Variants in ZNF787 observed in about 807,000 individuals in gnomAD.
ZNF787 encodes the protein TTF-I-interacting peptide 20.
In ZNF787, 7 loss-of-function variants were observed where a neutral mutation model predicts 16.9. The observed-to-expected ratio is 0.42, with a 90% CI of 0.24 to 0.78. The LOEUF (loss-of-function observed/expected upper bound fraction) is 0.78, where lower values mean the gene tolerates loss of function less well. Ranked by LOEUF, ZNF787 falls within the 30% of genes least tolerant of loss-of-function variation. ZNF787 has a pLI of 0.30. For synonymous variants in ZNF787, 345 were observed against 270.9 expected, an observed-to-expected ratio of 1.27 and a Z score of -2.69; for missense variants, 551 against 589.3, an observed-to-expected ratio of 0.94 and a Z score of 0.67.
intron 1 of ZNF787, among the ~76,000 whole-genome samples, chr19:56,111,166 TGA>T (rs2029968393): frequency 6.6e-6 from 1 of 152,040 alleles, no homozygotes; most frequent in Non-Finnish European, 1.5e-5. Context: ...AATAAAGGAA[TGA>T]GGGTGCCGGC....
chr19:56,107,489 G>A (rs1301107948), intron 1 of ZNF787, among the ~76,000 whole-genome samples: 1 of 134,292 alleles, frequency 7.4e-6, no homozygotes, highest in Non-Finnish European at 1.5e-5. Flanking sequence ...CGGGGTCACC[G>A]GGAGACACGG....
chr19:56,087,872 G>A lies in ZNF787; in HGVS notation c.*151C>T, dbSNP rs994255821. 3 of 1,210,222 alleles carry A rather than the reference G, an allele frequency of 2.5e-6. No individual in the cohort carries two copies. The highest frequency in any genetic ancestry group is 3.2e-5 in the African/African-American group (2 of 62,304). The allele number at this position is 1,210,222 out of a possible 1,614,324, so 75.0% of individuals were successfully genotyped here. ...TAATACGCCCCAGTGCCCCCCCACG[G>A]ACGGCGCAGGGACAGAGGAGGGCGG... is the stretch of plus-strand genomic sequence containing the variant. On this transcript the variant is annotated 3_prime_UTR_variant, in exon 3 of 3. Transcript: ENST00000610935.
chr19:56,107,129 C>A (rs534082059), intron 1 of ZNF787, among the ~76,000 whole-genome samples: 3 of 152,132 alleles, frequency 2.0e-5, no homozygotes, highest in Non-Finnish European at 4.4e-5. Flanking sequence ...AAACGGCTGA[C>A]GAACTGTGAG....
At chr19:56,093,463 C>T (rs776907865) in intron 2 of ZNF787, among the ~76,000 whole-genome samples, 9 of 152,106 alleles carry the variant, frequency 5.9e-5, no homozygotes, top group Non-Finnish European at 1.2e-4. Flanking sequence ...CTGCACGCAC[C>T]GTCCTCCTTC....
At position 56,087,984 on chromosome 19, in the gene ZNF787, C is replaced by G; in HGVS notation, c.*39G>C. 1 of 1,298,086 alleles carries G rather than the reference C, an allele frequency of 7.7e-7. No individual in the cohort carries two copies. The highest frequency in any genetic ancestry group is 1.6e-5 in the African/African-American group (1 of 61,856). The allele number at this position is 1,298,086 out of a possible 1,614,324, so 80.4% of individuals were successfully genotyped here. On this transcript the variant is annotated 3_prime_UTR_variant, in exon 3 of 3. Coordinates refer to ENST00000610935, the MANE Select transcript of ZNF787 (RefSeq NM_001002836.4). ...TTGCACGTCGTCGCTCCCGCCAAGCCCGAGGGGCCCTGCCCGCCCCCCCCC... is the reference window on the plus strand; with the variant it reads ...TTGCACGTCGTCGCTCCCGCCAAGCGCGAGGGGCCCTGCCCGCCCCCCCCC...
intron 2 of ZNF787, among the ~76,000 whole-genome samples, chr19:56,093,539 C>T (rs1348089422): frequency 6.6e-6 from 1 of 152,122 alleles, no homozygotes; most frequent in Admixed American, 6.5e-5. Context: ...GAGACATGTT[C>T]GGGCTCAGGA....
chr19:56,099,994 G>A (rs1032728756), intron 2 of ZNF787, among the ~76,000 whole-genome samples: 4 of 152,158 alleles, frequency 2.6e-5, no homozygotes, highest in South Asian at 2.1e-4. Context: ...GACAGAGGTC[G>A]CAGGAAGGCC....
At chr19:56,095,160 T>G (rs1398401093) in intron 2 of ZNF787, among the ~76,000 whole-genome samples, 1 of 152,136 alleles carries the variant, frequency 6.6e-6, no homozygotes, top group African/African-American at 2.4e-5. Flanking sequence ...ACCCCTCATA[T>G]GTGCAGTTCC....
intron 2 of ZNF787, 143 bp downstream of exon 2, chr19:56,102,996 G>A (rs781203982): frequency 2.1e-5 from 17 of 820,720 alleles, no homozygotes; most frequent in South Asian, 2.8e-5. Flanking sequence ...GGCCCAGGGC[G>A]GGAGGGGAGG....
chr19:56,088,335 C>T lies in ZNF787; in HGVS notation c.837G>A (p.Pro279=), dbSNP rs541210895. The T allele has an allele frequency of 1.9e-5, 24 of 1,231,160 alleles. No individual in the cohort carries two copies. Among genetic ancestry groups the T allele is most frequent in the Admixed American group, 4.6e-5 (1 of 21,930 alleles). The allele number at this position is 1,231,160 out of a possible 1,614,324, so 76.3% of individuals were successfully genotyped here. The stretch of plus-strand genomic sequence containing the variant: ...CCTTCCCGCACTCCAGACACACGTA[C>T]GGCTTGGGGGCCGGGGCGCGCCGCG... ...PRSRRAPAPK[P]YVCLECGKGF... Residue 279 remains proline, a synonymous_variant, in exon 3 of 3, where the codon CCG becomes CCA. Coordinates refer to ENST00000610935, the MANE Select transcript of ZNF787 (RefSeq NM_001002836.4). The surrounding 1 kb of genome is among the most constrained non-coding windows in gnomAD (Gnocchi z 8.6).
intron 2 of ZNF787, among the ~76,000 whole-genome samples, chr19:56,092,919 G>T (rs1232490859): frequency 6.6e-6 from 1 of 151,376 alleles, no homozygotes. Context: ...GGGGGTGGCG[G>T]AAGTGGGATC....
In ZNF787 at chr19:56,121,232, TGGCAGCGGC is replaced by T. The variant is rs1222988834; in HGVS notation, c.-80_-72del. On this transcript the variant is annotated 5_prime_UTR_variant, in exon 1 of 3. Transcript: ENST00000610935. ...CTCCTCTCTCCTGCCTCGCGGATGG[TGGCAGCGGC>T]GGCAGCGGCGACTCAGACCCTGGGG... 3 of 146,892 alleles carry T rather than the reference TGGCAGCGGC, an allele frequency of 2.0e-5. No individual in the cohort carries two copies. The highest frequency in any genetic ancestry group is 6.8e-5 in the Admixed American group (1 of 14,806). The allele number at this position is 146,892 out of a possible 1,614,324, so 9.1% of individuals were successfully genotyped here. A position where few individuals can be genotyped will look rare whatever the true frequency, so the allele number is the denominator to read the frequency against.
chr19:56,099,934 G>A (rs1055262170), intron 2 of ZNF787, among the ~76,000 whole-genome samples: 5 of 152,110 alleles, frequency 3.3e-5, no homozygotes, highest in Non-Finnish European at 5.9e-5. Flanking sequence ...TGAGCACGGC[G>A]CCGGGATCTC....
At chr19:56,094,593 T>A (rs551099080) in intron 2 of ZNF787, among the ~76,000 whole-genome samples, 1 of 152,210 alleles carries the variant, frequency 6.6e-6, no homozygotes, top group South Asian at 2.1e-4. Context: ...TTTTTGTTCT[T>A]ATTTGCAAAT....
chr19:56,103,177 T>A lies in ZNF787; in HGVS notation c.41A>T (p.Asp14Val). The A allele has an allele frequency of 6.3e-7, 1 of 1,587,584 alleles. No homozygotes were observed. The highest frequency in any genetic ancestry group is 8.6e-7 in the Non-Finnish European group (1 of 1,166,022). Reference sequence around the variant, plus strand: ...ACTGGCCATCTGCTGGTCCTCAGAATCCAGCGGCCCCGGAGACCAGGCTTC... The same window carrying A: ...ACTGGCCATCTGCTGGTCCTCAGAAACCAGCGGCCCCGGAGACCAGGCTTC... ...REEAWSPGPL[D>V]SEDQQMASHE... The change falls in exon 2 of 3, where the codon GAT becomes GTT. Residue 14 changes from aspartate (D) to valine (V), a missense_variant. By Grantham distance (152) the Asp-to-Val change is radical. Transcript: ENST00000610935.
intron 2 of ZNF787, 25 bp downstream of exon 2, chr19:56,103,114 G>A (rs770298628): frequency 5.0e-5 from 80 of 1,611,618 alleles, no homozygotes; most frequent in Non-Finnish European, 6.4e-5. Flanking sequence ...AGCGGGGTCG[G>A]CTGGGAAGGC....
At chr19:56,097,483 C>T (rs1404673136) in intron 2 of ZNF787, among the ~76,000 whole-genome samples, 3 of 152,248 alleles carry the variant, frequency 2.0e-5, no homozygotes, top group Non-Finnish European at 1.5e-5. Flanking sequence ...CCACGCCTCG[C>T]GTCTCCACTG....
At chr19:56,094,500 ATCC>A (rs1170114446) in intron 2 of ZNF787, among the ~76,000 whole-genome samples, 1 of 150,130 alleles carries the variant, frequency 6.7e-6, no homozygotes. Context: ...TTTTAAAATG[ATCC>A]TCCTTCTTGC....
intron 2 of ZNF787, among the ~76,000 whole-genome samples, chr19:56,097,773 C>A (rs1985925899): frequency 6.6e-6 from 1 of 152,166 alleles, no homozygotes; most frequent in Non-Finnish European, 1.5e-5. Context: ...AAGCCGAGAC[C>A]CCAGGGACAA....
Sources: gnomAD v4.1 joint callset for allele counts (sites outside exome capture counted in the v4.1 genomes callset) on GRCh38, gnomAD v4.1.1 for gene constraint, Gnocchi (gnomAD v3.1) non-coding constraint, MANE v1.5 for transcripts, NCBI Gene and HGNC (gene_info 2026-07-23, HGNC 2026-07-21) for gene names.